The following SPTAN1 variants were observed in gnomAD, a reference collection of about 807,000 sequenced individuals.
SPTAN1 encodes spectrin alpha, non-erythrocytic 1.
In SPTAN1, 61 loss-of-function variants were observed where a neutral mutation model predicts 331.3. The observed-to-expected ratio is 0.18, with a 90% CI of 0.15 to 0.23. The LOEUF (loss-of-function observed/expected upper bound fraction) is 0.23, where lower values mean the gene tolerates loss of function less well. SPTAN1 is among the 10% of genes least tolerant of loss of function. The probability of loss-of-function intolerance (pLI) is 1.00; values close to 1 mark genes in which losing one functional copy is unlikely to be tolerated. For missense variants in SPTAN1, 2,043 were observed against 3,147.9 expected, an observed-to-expected ratio of 0.65 and a Z score of 8.40; for synonymous variants, 1,153 against 1,173.9, an observed-to-expected ratio of 0.98 and a Z score of 0.36.
In SPTAN1 at chr9:128,594,155, A is replaced by T; in HGVS notation, c.3216-20A>T. The T allele has an allele frequency of 6.2e-7, 1 of 1,613,600 alleles. No homozygotes were observed. Among genetic ancestry groups the T allele is most frequent in the Non-Finnish European group, 8.5e-7 (1 of 1,179,716 alleles). Reference sequence around the variant, plus strand: ...AACTGCCTTCCTTGTCCCTCTTGTCACCCTCTTGAATTCCATCAGATATCA... The same window carrying T: ...AACTGCCTTCCTTGTCCCTCTTGTCTCCCTCTTGAATTCCATCAGATATCA... On this transcript the variant is annotated intron_variant, in intron 23 of 56. Transcript: ENST00000372739.
chr9:128,556,545 T>C (rs2132665434), intron 1 of SPTAN1, among the ~76,000 whole-genome samples: 1 of 152,318 alleles, frequency 6.6e-6, no homozygotes, highest in Middle Eastern at 3.4e-3. Context: ...AGCAGCAAGA[T>C]AGTATTTGGG....
chr9:128,569,410 T>C (rs1850401192), intron 3 of SPTAN1, among the ~76,000 whole-genome samples: 1 of 152,016 alleles, frequency 6.6e-6, no homozygotes. Context: ...GTGATGGGAC[T>C]GACTTTGAGG....
At chr9:128,622,626 A>T (rs923389874) in intron 45 of SPTAN1, among the ~76,000 whole-genome samples, 20 of 151,988 alleles carry the variant, frequency 1.3e-4, no homozygotes, top group African/African-American at 4.6e-4. Flanking sequence ...GTCCTCAGCG[A>T]CAGCCTGTTT....
chr9:128,563,890 A>C (rs1849700100), intron 1 of SPTAN1, among the ~76,000 whole-genome samples: 1 of 151,822 alleles, frequency 6.6e-6, no homozygotes, highest in South Asian at 2.1e-4. Context: ...CGCCCACCTC[A>C]GCCTCCCAAA....
At chr9:128,579,784 C>T in intron 10 of SPTAN1, 46 bp downstream of exon 10, 1 of 1,429,546 alleles carries the variant, frequency 7.0e-7, no homozygotes, top group Non-Finnish European at 9.8e-7. Context: ...TTACACCTTT[C>T]ACTAAGTCTC....
chr9:128,577,030 G>A lies in SPTAN1; in HGVS notation c.785+74G>A. 2 of 1,613,500 alleles carry A rather than the reference G, an allele frequency of 1.2e-6. No individual in the cohort carries two copies. Among genetic ancestry groups the A allele is most frequent in the East Asian group, 2.2e-5 (1 of 44,886 alleles). ...AGTTGTGAAGCACAGGGCATGTGCT[G>A]GTGAGCTGTCGAGGCTGACTAGGCC... On this transcript the variant is annotated intron_variant, in intron 6 of 56. Transcript: ENST00000372739. The surrounding 1 kb of genome is among the most constrained non-coding windows in gnomAD (Gnocchi z 4.2).
At position 128,607,647 on chromosome 9, in the gene SPTAN1, T is replaced by G; in HGVS notation, c.4090T>G (p.Ser1364Ala). ...CAATGGAATACGGGGGTTGGTGTCCTCAGATGAGCTAGCCAAGGATGTCAC... is the reference window on the plus strand; with the variant it reads ...CAATGGAATACGGGGGTTGGTGTCCGCAGATGAGCTAGCCAAGGATGTCAC... ...WINGIRGLVS[S>A]DELAKDVTGA... The change falls in exon 32 of 57, where the codon TCA becomes GCA. Residue 1364 changes from serine (S) to alanine (A), a missense_variant. Coordinates refer to ENST00000372739, the MANE Select transcript of SPTAN1 (RefSeq NM_001130438.3). The G allele has an allele frequency of 6.2e-7, 1 of 1,614,086 alleles. No individual in the cohort carries two copies. Among genetic ancestry groups the G allele is most frequent in the Non-Finnish European group, 8.5e-7 (1 of 1,180,004 alleles).
intron 3 of SPTAN1, among the ~76,000 whole-genome samples, chr9:128,573,066 TG>T (rs1850912662): frequency 6.6e-6 from 1 of 152,236 alleles, no homozygotes; most frequent in Admixed American, 6.5e-5. Context: ...ATCTCAATCA[TG>T]GGTGGATCCC....
At chr9:128,579,903 C>T (rs952834102) in intron 10 of SPTAN1, among the ~76,000 whole-genome samples, 165 bp downstream of exon 10, 2 of 152,172 alleles carry the variant, frequency 1.3e-5, no homozygotes, top group Non-Finnish European at 2.9e-5. Flanking sequence ...GTATAGTGTG[C>T]TGATTTCCTG....
chr9:128,567,961 C>G (rs1850231193), intron 2 of SPTAN1, among the ~76,000 whole-genome samples: 1 of 151,376 alleles, frequency 6.6e-6, no homozygotes, highest in African/African-American at 2.4e-5. Flanking sequence ...AGGATTTCAT[C>G]ATGTTTGCCA....
chr9:128,557,686 T>C (rs1848799525), intron 1 of SPTAN1, among the ~76,000 whole-genome samples: 2 of 152,092 alleles, frequency 1.3e-5, no homozygotes, highest in South Asian at 4.1e-4. Context: ...AAGATATTCA[T>C]GTCTAATCTA....
intron 44 of SPTAN1, among the ~76,000 whole-genome samples, chr9:128,620,774 T>C (rs1332542335): frequency 1.3e-5 from 2 of 152,288 alleles, no homozygotes; most frequent in Middle Eastern, 3.4e-3. Flanking sequence ...GTGTTCAAGT[T>C]AAACCTTAAA....
chr9:128,604,370 A>G lies in SPTAN1; in HGVS notation c.3672A>G (p.Glu1224=). The change falls in exon 29 of 57, where the codon GAA becomes GAG. Residue 1224 remains glutamate, a synonymous_variant. Coordinates refer to ENST00000372739, the MANE Select transcript of SPTAN1 (RefSeq NM_001130438.3). The stretch of plus-strand genomic sequence containing the variant: ...GGTCCCTACAGCAGCTGGCCGAGGA[A>G]CGGAGCCAGCTCTTGGGCAGCGCCC... ...RWRSLQQLAE[E]RSQLLGSAHE... The G allele has an allele frequency of 1.2e-6, 2 of 1,614,056 alleles. No individual in the cohort carries two copies. The highest frequency in any genetic ancestry group is 1.7e-5 in the Admixed American group (1 of 60,024).
rs771906889 is a variant in SPTAN1, at chr9:128,575,205, A to G, written c.511A>G (p.Ile171Val). The part of the protein sequence containing the change: ...VMDWINDKEA[I>V]VTSEELGQDL... Reference sequence around the variant, plus strand: ...TCTTATGGTCCCTGAATAGGAAGCAATTGTTACTTCTGAAGAGCTGGGCCA... The same window carrying G: ...TCTTATGGTCCCTGAATAGGAAGCAGTTGTTACTTCTGAAGAGCTGGGCCA... The change falls in exon 5 of 57, where the codon ATT (isoleucine) becomes GTT (valine). Residue 171 changes from isoleucine (I) to valine (V), a missense_variant. Physicochemically the swap from Ile to Val is conservative, Grantham distance 29. Around this residue, in one of 12 missense-constraint regions of SPTAN1, gnomAD observed 1,038 missense variants for 1,531.5 expected, o/e 0.68. Coordinates refer to ENST00000372739, the MANE Select transcript of SPTAN1 (RefSeq NM_001130438.3). 13 of 1,614,154 alleles carry G rather than the reference A, an allele frequency of 8.1e-6. No individual in the cohort carries two copies. In the East Asian group the frequency reaches 8.9e-5, roughly 11 times the overall value.
chr9:128,593,974 G>A (rs1173748052), intron 23 of SPTAN1: 11 of 629,708 alleles, frequency 1.7e-5, no homozygotes, highest in Admixed American at 2.1e-5. Flanking sequence ...GAACAGTACA[G>A]TGTGCGCATA....
chr9:128,612,026 C>CT, intron 38 of SPTAN1, 83 bp from the exon 39 acceptor site: 1 of 1,612,232 alleles, frequency 6.2e-7, no homozygotes, highest in African/African-American at 1.3e-5. Flanking sequence ...ATTCTCTTCT[C>CT]TTAGAAGTTC....
rs763900906 is a variant in SPTAN1, at chr9:128,594,161, T to C, written c.3216-14T>C. 8 of 1,614,096 alleles carry C rather than the reference T, an allele frequency of 5.0e-6. No individual in the cohort carries two copies. The East Asian group carries it at 1.6e-4, about 31-fold the overall frequency. On this transcript the variant is annotated splice_polypyrimidine_tract_variant and intron_variant, in intron 23 of 56. Coordinates refer to ENST00000372739, the MANE Select transcript of SPTAN1 (RefSeq NM_001130438.3). ...CTTCCTTGTCCCTCTTGTCACCCTC[T>C]TGAATTCCATCAGATATCATTCTCT...
rs1308278456 is a variant in SPTAN1, at chr9:128,621,272, T to C, written c.5832+16T>C. On this transcript the variant is annotated intron_variant, in intron 45 of 56. Coordinates refer to ENST00000372739, the MANE Select transcript of SPTAN1 (RefSeq NM_001130438.3). ...CATTAAGAAGGTGAGTCCAGCCCAT[T>C]GGTAAGACCTCCATCGCCCACTGGG... The C allele has an allele frequency of 1.9e-6, 3 of 1,608,200 alleles. No homozygotes were observed. The highest frequency in any genetic ancestry group is 8.5e-7 in the Non-Finnish European group (1 of 1,176,516).
Position 128,608,036 on chromosome 9 carries a change from G to T in SPTAN1, c.4331G>T (p.Cys1444Phe). Reference protein sequence around the residue: ...WVQRRMMLDQCLELQLFHRDC... With the variant: ...WVQRRMMLDQFLELQLFHRDC... ...CAGCGCAGGATGATGCTGGATCAGT[G>T]CCTTGAACTGCAGGTGTGTGTGCTC... is the stretch of plus-strand genomic sequence containing the variant. The change falls in exon 33 of 57, where the codon TGC becomes TTC. Residue 1444 changes from cysteine to phenylalanine, a missense_variant. Physicochemically the swap from Cys to Phe is radical, Grantham distance 205. Around this residue, in one of 12 missense-constraint regions of SPTAN1, gnomAD observed 179 missense variants for 215.7 expected, o/e 0.83. Coordinates refer to ENST00000372739, the MANE Select transcript of SPTAN1 (RefSeq NM_001130438.3). 6.2e-7 allele frequency: 1 copy of T among 1,614,120 alleles called. No individual in the cohort carries two copies. The highest frequency in any genetic ancestry group is 8.5e-7 in the Non-Finnish European group (1 of 1,180,022).
Sources: gnomAD v4.1 joint callset for allele counts (sites outside exome capture counted in the v4.1 genomes callset) on GRCh38, gnomAD v4.1.1 for gene constraint, gnomAD v4.1.1 regional missense constraint, Gnocchi (gnomAD v3.1) non-coding constraint, MANE v1.5 for transcripts, NCBI Gene and HGNC (gene_info 2026-07-23, HGNC 2026-07-21) for gene names.